Variants in FSTL5 observed in about 807,000 individuals in gnomAD.
FSTL5 encodes follistatin-related protein 5.
FSTL5 carries 62 observed loss-of-function variants against 89.1 expected under a neutral mutation model. That is an observed-to-expected ratio of 0.70 (90% CI 0.57 to 0.86). The LOEUF (loss-of-function observed/expected upper bound fraction) is 0.86, where lower values mean the gene tolerates loss of function less well. Among genes scored for constraint, FSTL5 ranks in the 40% least tolerant of loss-of-function variants. The pLI is 0.00. For synonymous variants in FSTL5, 383 were observed against 346.2 expected, an observed-to-expected ratio of 1.11 and a Z score of -1.18; for missense variants, 1,057 against 1,001.6, an observed-to-expected ratio of 1.06 and a Z score of -0.75.
chr4:161,454,865 G>A, intron 15 of FSTL5, 139 bp downstream of exon 15: 1 of 693,764 alleles, frequency 1.4e-6, no homozygotes, highest in Non-Finnish European at 2.4e-6. Flanking sequence ...GGTTCAGTAA[G>A]CAGATATGAC....
intron 7 of FSTL5, among the ~76,000 whole-genome samples, chr4:161,634,567 A>C (rs1312113512): frequency 1.3e-5 from 2 of 152,220 alleles, no homozygotes; most frequent in Non-Finnish European, 2.9e-5. Context: ...TCTTAAAAAA[A>C]CAGGAACACC....
At chr4:161,567,813 T>C (rs1354552452) in intron 8 of FSTL5, among the ~76,000 whole-genome samples, 1 of 152,104 alleles carries the variant, frequency 6.6e-6, no homozygotes, top group Non-Finnish European at 1.5e-5. Flanking sequence ...TACACGTCTT[T>C]GATTCATGTA....
chr4:161,446,088 A>T lies in FSTL5; in HGVS notation c.1841+8916T>A, dbSNP rs185420182. Reference sequence around the variant, plus strand: ...GCAGATTTACAACTCAACTAAAAAGATACAAAATATTAACTCGGTTGGATT... The same window carrying T: ...GCAGATTTACAACTCAACTAAAAAGTTACAAAATATTAACTCGGTTGGATT... On this transcript the variant is annotated intron_variant, in intron 15 of 15. Transcript: ENST00000306100. 2.1e-3 allele frequency among the ~76,000 whole-genome samples: 313 copies of T among 152,082 alleles called. 1 individual carries two copies. Among genetic ancestry groups the T allele is most frequent in the South Asian group, 3.7e-3 (18 of 4,826 alleles).
intron 4 of FSTL5, among the ~76,000 whole-genome samples, chr4:161,898,360 T>C: frequency 6.6e-6 from 1 of 151,564 alleles, no homozygotes; most frequent in Non-Finnish European, 1.5e-5. Context: ...AACACTTGAG[T>C]GCAGGTTTTT....
intron 3 of FSTL5, among the ~76,000 whole-genome samples, chr4:161,975,660 G>A (rs1410035160): frequency 1.3e-5 from 2 of 151,506 alleles, no homozygotes; most frequent in Non-Finnish European, 2.9e-5. Flanking sequence ...GCTAGATGAG[G>A]AGTTAGTGGG....
intron 12 of FSTL5, among the ~76,000 whole-genome samples, chr4:161,485,321 C>T (rs1396089706): frequency 6.6e-6 from 1 of 152,210 alleles, no homozygotes; most frequent in African/African-American, 2.4e-5. Flanking sequence ...AAGGCTCAGA[C>T]TTTAGTTTTC....
intron 3 of FSTL5, among the ~76,000 whole-genome samples, chr4:161,935,939 T>G (rs1734420279): frequency 6.6e-6 from 1 of 152,148 alleles, no homozygotes; most frequent in Non-Finnish European, 1.5e-5. Flanking sequence ...TCCCAGCACT[T>G]TAAGAGGCCA....
intron 3 of FSTL5, among the ~76,000 whole-genome samples, chr4:162,022,061 AG>A (rs1236476721): frequency 6.6e-6 from 1 of 151,636 alleles, no homozygotes; most frequent in African/African-American, 2.4e-5. Flanking sequence ...AGTGCACTCC[AG>A]CCTGGGTGAC....
chr4:161,591,401 A>G (rs1268103645), intron 7 of FSTL5, among the ~76,000 whole-genome samples: 1 of 152,186 alleles, frequency 6.6e-6, no homozygotes, highest in Non-Finnish European at 1.5e-5. Context: ...TGGCTGCACA[A>G]TTTTGCTAAT....
intron 4 of FSTL5, among the ~76,000 whole-genome samples, chr4:161,848,046 A>AAAAC (rs1553971140): frequency 6.8e-6 from 1 of 147,788 alleles, no homozygotes; most frequent in Non-Finnish European, 1.5e-5. Flanking sequence ...CAAAAAAAAA[A>AAAAC]AAAAAAAAAA....
chr4:161,773,226 G>A (rs1741274203), intron 5 of FSTL5, among the ~76,000 whole-genome samples: 1 of 152,122 alleles, frequency 6.6e-6, no homozygotes, highest in South Asian at 2.1e-4. Context: ...TCAAAGTCCT[G>A]TAACCATAAA....
intron 3 of FSTL5, among the ~76,000 whole-genome samples, chr4:161,999,814 T>C (rs1736408912): frequency 6.6e-6 from 1 of 152,218 alleles, no homozygotes; most frequent in Non-Finnish European, 1.5e-5. Context: ...CTCCCCGCCA[T>C]GCTTCCTTGG....
intron 4 of FSTL5, among the ~76,000 whole-genome samples, chr4:161,887,473 T>C (rs1732850978): frequency 6.6e-6 from 1 of 151,922 alleles, no homozygotes; most frequent in African/African-American, 2.4e-5. Context: ...TCTGTCTGTT[T>C]TTCTATCTAC....
At chr4:161,870,309 T>G (rs1280813334) in intron 4 of FSTL5, among the ~76,000 whole-genome samples, 1 of 151,984 alleles carries the variant, frequency 6.6e-6, no homozygotes, top group Non-Finnish European at 1.5e-5. Context: ...TTTCCTTTTT[T>G]CATCACAAAG....
intron 6 of FSTL5, among the ~76,000 whole-genome samples, chr4:161,725,191 A>AT (rs1415335320): frequency 6.6e-6 from 1 of 152,094 alleles, no homozygotes; most frequent in African/African-American, 2.4e-5. Context: ...AAAAATAAAC[A>AT]TAAAAAAAAA....
intron 4 of FSTL5, among the ~76,000 whole-genome samples, chr4:161,887,352 T>C (rs1579169300): frequency 1.3e-5 from 2 of 152,130 alleles, no homozygotes; most frequent in East Asian, 3.9e-4. Context: ...AATAATTCTC[T>C]ATTGTTTCTG....
intron 6 of FSTL5, among the ~76,000 whole-genome samples, chr4:161,697,938 G>GGTGTGT (rs75603323): frequency 1.9e-4 from 29 of 149,640 alleles, no homozygotes; most frequent in South Asian, 4.2e-4. Context: ...AATATGGGAA[G>GGTGTGT]GTGTGTGTGT....
intron 6 of FSTL5, among the ~76,000 whole-genome samples, chr4:161,734,091 G>T (rs1475132621): frequency 6.6e-6 from 1 of 152,046 alleles, no homozygotes; most frequent in Non-Finnish European, 1.5e-5. Flanking sequence ...AGTATGAAAA[G>T]ATCTTTGAGA....
chr4:161,460,578 G>T (rs1165136539), intron 13 of FSTL5, among the ~76,000 whole-genome samples: 1 of 152,040 alleles, frequency 6.6e-6, no homozygotes, highest in Non-Finnish European at 1.5e-5. Flanking sequence ...CTATTGTTGT[G>T]GTTGGAAATA....
Sources: gnomAD v4.1 joint callset for allele counts (sites outside exome capture counted in the v4.1 genomes callset) on GRCh38, gnomAD v4.1.1 for gene constraint, MANE v1.5 for transcripts, NCBI Gene and HGNC (gene_info 2026-07-23, HGNC 2026-07-21) for gene names.